ABTB3: variants seen among roughly 807,000 people sequenced by gnomAD.
ABTB3 encodes the protein ankyrin repeat- and BTB/POZ domain-containing protein 3.
chr12:107,649,701 T>C, the ABTB3 span: 3 of 173,344 alleles, frequency 1.7e-5, no homozygotes, highest in South Asian at 1.5e-4. Context: ...CCTAAAAACA[T>C]CCCTCAAATC....
the ABTB3 span, among the ~76,000 whole-genome samples, chr12:107,488,731 G>T: frequency 6.6e-6 from 1 of 151,336 alleles, no homozygotes; most frequent in South Asian, 2.1e-4. Context: ...TAGTTTAGTG[G>T]CATTTGGTAC....
the ABTB3 span, among the ~76,000 whole-genome samples, chr12:107,440,325 C>A: frequency 6.6e-6 from 1 of 152,230 alleles, no homozygotes; most frequent in East Asian, 1.9e-4. Context: ...TTCCCAGACA[C>A]CCCAAGCTCA....
chr12:107,542,260 C>T, the ABTB3 span, among the ~76,000 whole-genome samples: 20,022 of 147,784 alleles, frequency 0.14, 1,608 homozygotes, highest in East Asian at 0.35. Flanking sequence ...TGCAGTGAGC[C>T]GAGATCGCAC....
the ABTB3 span, chr12:107,617,244 C>G: frequency 6.2e-7 from 1 of 1,613,650 alleles, no homozygotes; most frequent in Non-Finnish European, 8.5e-7. Flanking sequence ...CCTTGAAGTG[C>G]CTGTGACTAT....
chr12:107,321,817 A>G, the ABTB3 span, among the ~76,000 whole-genome samples: 1 of 152,158 alleles, frequency 6.6e-6, no homozygotes, highest in East Asian at 1.9e-4. Context: ...GGCTCCCATG[A>G]CAATCATCTT....
At chr12:107,609,813 A>T in the ABTB3 span, among the ~76,000 whole-genome samples, 1 of 152,202 alleles carries the variant, frequency 6.6e-6, no homozygotes, top group African/African-American at 2.4e-5. Context: ...CAGGGCCCTT[A>T]TCTGTGTCTG....
chr12:107,604,338 T>A, the ABTB3 span, among the ~76,000 whole-genome samples: 1 of 151,994 alleles, frequency 6.6e-6, no homozygotes, highest in Non-Finnish European at 1.5e-5. Flanking sequence ...TCCCAGCTAC[T>A]CAGGTGGCTG....
the ABTB3 span, chr12:107,320,543 C>T: frequency 4.4e-6 from 2 of 455,982 alleles, no homozygotes; most frequent in Non-Finnish European, 8.8e-6. Context: ...TCCCCACTCC[C>T]TCGGGGGGCA....
chr12:107,508,439 T>TTTTTTTTTTG, the ABTB3 span, among the ~76,000 whole-genome samples: 4 of 34,888 alleles, frequency 1.1e-4, no homozygotes, highest in Admixed American at 4.0e-4. Context: ...AGATCATTTC[T>TTTTTTTTTTG]TTTTTTTTTT....
the ABTB3 span, among the ~76,000 whole-genome samples, chr12:107,503,789 A>C: frequency 1.3e-5 from 2 of 150,402 alleles, no homozygotes; most frequent in African/African-American, 2.4e-5. Flanking sequence ...AAGAAGAAGA[A>C]GAAAGAGAAA....
the ABTB3 span, among the ~76,000 whole-genome samples, chr12:107,580,450 A>G: frequency 6.6e-6 from 1 of 152,222 alleles, no homozygotes; most frequent in Non-Finnish European, 1.5e-5. Flanking sequence ...TCCCATTAGC[A>G]GGCAGGGAAC....
the ABTB3 span, among the ~76,000 whole-genome samples, chr12:107,562,463 A>G: frequency 2.0e-5 from 3 of 152,240 alleles, no homozygotes; most frequent in African/African-American, 7.2e-5. Flanking sequence ...GTAAGTGCAA[A>G]GGCTCTGGGG....
the ABTB3 span, among the ~76,000 whole-genome samples, chr12:107,538,193 A>T: frequency 2.6e-5 from 4 of 152,190 alleles, no homozygotes; most frequent in African/African-American, 4.8e-5. Flanking sequence ...CCAGGGCATG[A>T]AGACCCCTGC....
At chr12:107,610,225 A>C in the ABTB3 span, 1 of 1,614,164 alleles carries the variant, frequency 6.2e-7, no homozygotes, top group Non-Finnish European at 8.5e-7. Flanking sequence ...CGAAAGCTGG[A>C]TGCGGTGGCC....
the ABTB3 span, among the ~76,000 whole-genome samples, chr12:107,413,280 TAAAAA>T: frequency 1.4e-5 from 2 of 145,418 alleles, no homozygotes; most frequent in Non-Finnish European, 3.0e-5. Context: ...TCTCAAAAAA[TAAAAA>T]AAAAAGCGCA....
the ABTB3 span, among the ~76,000 whole-genome samples, chr12:107,420,623 C>A: frequency 6.6e-6 from 1 of 152,102 alleles, no homozygotes; most frequent in Non-Finnish European, 1.5e-5. Context: ...GGGACACAGC[C>A]AAACCACATC....
chr12:107,470,087 G>A, the ABTB3 span, among the ~76,000 whole-genome samples: 2 of 149,668 alleles, frequency 1.3e-5, no homozygotes, highest in Non-Finnish European at 3.0e-5. Flanking sequence ...AACCCAGGCT[G>A]GAGCGCAGTG....
chr12:107,641,451 A>C, the ABTB3 span, among the ~76,000 whole-genome samples: 1 of 152,248 alleles, frequency 6.6e-6, no homozygotes, highest in African/African-American at 2.4e-5. Context: ...GTTTAAAAAA[A>C]CAGACACATA....
At chr12:107,632,376 C>T in the ABTB3 span, among the ~76,000 whole-genome samples, 1 of 152,176 alleles carries the variant, frequency 6.6e-6, no homozygotes, top group African/African-American at 2.4e-5. Flanking sequence ...CGAGACACAC[C>T]CTGGTGTAGA....
Sources: gnomAD v4.1 joint callset for allele counts (sites outside exome capture counted in the v4.1 genomes callset) on GRCh38, gnomAD v4.1.1 for gene constraint, MANE v1.5 for transcripts, NCBI Gene and HGNC (gene_info 2026-07-23, HGNC 2026-07-21) for gene names.